LRMDA: variants seen among roughly 807,000 people sequenced by gnomAD.
The protein encoded by LRMDA is leucine rich melanocyte differentiation associated.
Under a neutral mutation model 29.8 loss-of-function variants are expected in LRMDA, and 18 were observed. That is an observed-to-expected ratio of 0.60 (90% CI 0.42 to 0.90). The LOEUF (loss-of-function observed/expected upper bound fraction) is 0.90, where lower values mean the gene tolerates loss of function less well. Among genes scored for constraint, LRMDA ranks in the 40% least tolerant of loss-of-function variants. The pLI, the probability that LRMDA is intolerant of heterozygous loss-of-function variation, is 0.00. For missense variants in LRMDA, 273 were observed against 273.9 expected (o/e 1.00, Z 0.02); for synonymous variants, 125 against 109.4 (o/e 1.14, Z -0.89).
intron 5 of LRMDA, among the ~76,000 whole-genome samples, chr10:76,252,621 A>G (rs1379413279): frequency 1.3e-5 from 2 of 152,106 alleles, no homozygotes; most frequent in African/African-American, 4.8e-5. Context: ...TTATAAATTA[A>G]ATGTTTTGTG....
At chr10:75,568,591 A>G (rs1267800508) in intron 2 of LRMDA, among the ~76,000 whole-genome samples, 2 of 152,188 alleles carry the variant, frequency 1.3e-5, no homozygotes, top group Non-Finnish European at 2.9e-5. Context: ...TGCCTCTTCT[A>G]CTAACTAGCT....
At chr10:76,431,547 G>T (rs1842190695) in intron 6 of LRMDA, among the ~76,000 whole-genome samples, 1 of 152,264 alleles carries the variant, frequency 6.6e-6, no homozygotes, top group Non-Finnish European at 1.5e-5. Flanking sequence ...TGACAATAAT[G>T]GTGCCTTGCT....
intron 6 of LRMDA, among the ~76,000 whole-genome samples, chr10:76,407,537 C>T (rs1180010845): frequency 2.6e-5 from 4 of 152,172 alleles, no homozygotes; most frequent in East Asian, 1.9e-4. Context: ...ATTAGAATAA[C>T]GAACCTTTGT....
Position 76,185,367 on chromosome 10 carries a change from TGA to T in LRMDA, c.516+126591_516+126592del, listed in dbSNP as rs1395308313. 3.9e-5 allele frequency among the ~76,000 whole-genome samples: 6 copies of T among 152,208 alleles called. No individual in the cohort carries two copies. The East Asian group carries it at 9.6e-4, about 24-fold the overall frequency. On this transcript the variant is annotated intron_variant, in intron 5 of 6. Transcript: ENST00000611255. ...CATAAGATCTTCTGCATGTACCAGT[TGA>T]GAGAGATTGGGAAGGCCACTGAAAT...
intron 2 of LRMDA, among the ~76,000 whole-genome samples, chr10:75,911,257 A>T (rs1211439680): frequency 6.6e-6 from 1 of 152,014 alleles, no homozygotes; most frequent in East Asian, 1.9e-4. Context: ...GCTATGTCTA[A>T]TGTAGGCTGG....
intron 2 of LRMDA, among the ~76,000 whole-genome samples, chr10:75,658,493 G>A (rs545318674): frequency 2.6e-5 from 4 of 152,142 alleles, no homozygotes; most frequent in South Asian, 4.2e-4. Context: ...CTCAAAGAAC[G>A]TTCTATGGAA....
intron 6 of LRMDA, among the ~76,000 whole-genome samples, chr10:76,454,134 A>G (rs1480262482): frequency 6.6e-6 from 1 of 152,200 alleles, no homozygotes. Flanking sequence ...ACTCACATGT[A>G]GTATGAAGCT....
At chr10:75,591,374 G>A (rs1840722575) in intron 2 of LRMDA, among the ~76,000 whole-genome samples, 1 of 152,164 alleles carries the variant, frequency 6.6e-6, no homozygotes, top group African/African-American at 2.4e-5. Flanking sequence ...ATGGGGCAAG[G>A]CTTTGTATCC....
chr10:76,013,498 T>C (rs562930946), intron 2 of LRMDA, among the ~76,000 whole-genome samples: 1 of 152,192 alleles, frequency 6.6e-6, no homozygotes, highest in South Asian at 2.1e-4. Flanking sequence ...AGAAGAGCGC[T>C]CTTTAAGGAT....
chr10:75,844,757 C>T (rs1453933932), intron 2 of LRMDA, among the ~76,000 whole-genome samples: 7 of 152,352 alleles, frequency 4.6e-5, no homozygotes, highest in Non-Finnish European at 1.0e-4. Flanking sequence ...GATCATTTAA[C>T]TAGCACCTGT....
intron 5 of LRMDA, among the ~76,000 whole-genome samples, chr10:76,274,001 A>C (rs1840099786): frequency 6.6e-6 from 1 of 152,080 alleles, no homozygotes. Flanking sequence ...TTTTTAGACA[A>C]AGCAGGATAT....
chr10:76,515,730 C>A (rs566684102), intron 6 of LRMDA, among the ~76,000 whole-genome samples: 32 of 152,240 alleles, frequency 2.1e-4, no homozygotes, highest in African/African-American at 7.7e-4. Context: ...GTCTTGAACT[C>A]CTGGACTCAA....
chr10:75,826,108 CT>C (rs1188823072), intron 2 of LRMDA, among the ~76,000 whole-genome samples: 1 of 152,064 alleles, frequency 6.6e-6, no homozygotes, highest in African/African-American at 2.4e-5. Context: ...GGAATTTGAC[CT>C]CCTCAAAAAT....
chr10:75,751,792 G>A (rs764768336), intron 2 of LRMDA, among the ~76,000 whole-genome samples: 6 of 151,990 alleles, frequency 3.9e-5, no homozygotes, highest in African/African-American at 1.2e-4. Flanking sequence ...TGGGTCACAC[G>A]TACTGATTTT....
chr10:76,024,009 C>A (rs1348298132), intron 2 of LRMDA, among the ~76,000 whole-genome samples: 1 of 152,202 alleles, frequency 6.6e-6, no homozygotes, highest in East Asian at 1.9e-4. Flanking sequence ...GATTAGAAAG[C>A]TACATTTTCC....
rs571724719 is a variant in LRMDA at position 76,380,030 on chromosome 10, C to T, written c.601+55545C>T. Among the ~76,000 whole-genome samples, 45 of 152,260 alleles carry T rather than the reference C, an allele frequency of 3.0e-4. 3 individuals carry two copies. The highest frequency in any genetic ancestry group is 5.2e-4 in the Admixed American group (8 of 15,300). ...TACTTGTATAATTTTGAGAGTTTCT[C>T]TTGGTATCGACTTATAGTTTTATTC... On this transcript the variant is annotated intron_variant, in intron 6 of 6. Transcript: ENST00000611255.
intron 2 of LRMDA, among the ~76,000 whole-genome samples, chr10:75,605,304 A>G (rs1022111604): frequency 3.9e-5 from 6 of 152,204 alleles, no homozygotes; most frequent in Non-Finnish European, 7.3e-5. Flanking sequence ...CTCAGATGAT[A>G]GGAGCTGTTT....
intron 2 of LRMDA, among the ~76,000 whole-genome samples, chr10:75,712,284 C>T (rs1317570961): frequency 6.6e-6 from 1 of 152,108 alleles, no homozygotes; most frequent in Non-Finnish European, 1.5e-5. Context: ...TCTTCCATTC[C>T]CCTCGATAGG....
At chr10:75,751,198 C>G (rs1418734436) in intron 2 of LRMDA, among the ~76,000 whole-genome samples, 2 of 152,134 alleles carry the variant, frequency 1.3e-5, no homozygotes, top group Non-Finnish European at 2.9e-5. Context: ...GCCTGCAATC[C>G]CAGGCACTCG....
Sources: gnomAD v4.1 joint callset for allele counts (sites outside exome capture counted in the v4.1 genomes callset) on GRCh38, gnomAD v4.1.1 for gene constraint, MANE v1.5 for transcripts, NCBI Gene and HGNC (gene_info 2026-07-23, HGNC 2026-07-21) for gene names.